The following DUSP11 variants were observed in gnomAD, a reference collection of about 807,000 sequenced individuals.
The protein encoded by DUSP11 is dual specificity phosphatase 11, also known as RNA/RNP complex-1-interacting phosphatase.
A neutral mutation model predicts 41.4 loss-of-function variants in DUSP11; 27 were observed. The observed-to-expected ratio is 0.65, with a 90% confidence interval of 0.48 to 0.90. The LOEUF (loss-of-function observed/expected upper bound fraction) is 0.90. Among genes scored for constraint, DUSP11 ranks in the 40% least tolerant of loss-of-function variants. DUSP11 has a pLI of 0.00. For missense variants in DUSP11, 465 were observed against 461.1 expected, an observed-to-expected ratio of 1.01 and a Z score of -0.08; for synonymous variants, 188 against 159.3, an observed-to-expected ratio of 1.18 and a Z score of -1.35.
chr2:73,775,863 TTAAAAAAAAA>T (rs1672673694), intron 2 of DUSP11, among the ~76,000 whole-genome samples: 1 of 101,502 alleles, frequency 9.9e-6, no homozygotes, highest in African/African-American at 4.5e-5. Flanking sequence ...AAAAAAAAAT[TTAAAAAAAAA>T]AAAAAAAAAA....
intron 1 of DUSP11, 52 bp from the exon 2 acceptor site, chr2:73,778,428 G>A (rs1672725790): frequency 1.6e-6 from 2 of 1,228,222 alleles, no homozygotes; most frequent in Admixed American, 2.8e-5. Flanking sequence ...TTGTTTCCTT[G>A]CACAAAATAA....
intron 4 of DUSP11, 70 bp from the exon 5 acceptor site, chr2:73,769,395 G>A (rs908305300): frequency 9.2e-7 from 1 of 1,091,240 alleles, no homozygotes; most frequent in Non-Finnish European, 1.4e-6. Flanking sequence ...TCACTGCCCT[G>A]AAAATGAATA....
intron 1 of DUSP11, among the ~76,000 whole-genome samples, chr2:73,779,112 T>C (rs972071388): frequency 8.5e-5 from 13 of 152,118 alleles, no homozygotes; most frequent in South Asian, 4.1e-4. Context: ...GATTGGACCA[T>C]TGCACTCCAG....
Position 73,768,634 on chromosome 2 carries a change from G to C in DUSP11, c.635+631C>G, listed in dbSNP as rs565085269. 5.1e-6 allele frequency: 5 copies of C among 985,362 alleles called. No individual in the cohort carries two copies. In the African/African-American group the frequency reaches 8.7e-5, roughly 17 times the overall value. 61.0% of individuals were successfully genotyped at this position (985,362 alleles called of 1,614,324 possible). A position where few individuals can be genotyped will look rare whatever the true frequency, so the allele number is the denominator to read the frequency against. ...ACTTCTGACTTTTGTGTTCATCGGTGTGCAAAGAACAACGCAGGCCTTAAA... is the reference window on the plus strand; with the variant it reads ...ACTTCTGACTTTTGTGTTCATCGGTCTGCAAAGAACAACGCAGGCCTTAAA... On this transcript the variant is annotated intron_variant, in intron 5 of 8. Transcript: ENST00000272444.
intron 5 of DUSP11, chr2:73,767,475 A>G (rs1203701709): frequency 3.2e-6 from 1 of 314,552 alleles, no homozygotes; most frequent in Non-Finnish European, 5.7e-6. Flanking sequence ...AAGAAAATGC[A>G]GAATCATTTT....
intron 1 of DUSP11, 147 bp from the exon 2 acceptor site, chr2:73,778,523 C>A: frequency 7.9e-6 from 4 of 508,012 alleles, no homozygotes; most frequent in Non-Finnish European, 1.4e-5. Context: ...CTTATTAAAC[C>A]CCACCAAGTA....
chr2:73,763,657 A>T (rs1672404281), intron 8 of DUSP11, among the ~76,000 whole-genome samples: 1 of 152,134 alleles, frequency 6.6e-6, no homozygotes, highest in African/African-American at 2.4e-5. Context: ...CGGGAGGTGG[A>T]GGTTGCGGTG....
intron 4 of DUSP11, among the ~76,000 whole-genome samples, chr2:73,772,643 T>A (rs1238222836): frequency 1.3e-5 from 2 of 152,216 alleles, no homozygotes; most frequent in Non-Finnish European, 2.9e-5. Flanking sequence ...TGTACCCTCA[T>A]ATCTTAAAAG....
chr2:73,768,148 C>G (rs1672504444), intron 5 of DUSP11: 1 of 152,240 alleles, frequency 6.6e-6, no homozygotes. Context: ...CCACAACATC[C>G]CTACCTGGTT....
chr2:73,770,514 C>CAA (rs1377404800), intron 4 of DUSP11, among the ~76,000 whole-genome samples: 2 of 94,468 alleles, frequency 2.1e-5, no homozygotes, highest in Non-Finnish European at 4.4e-5. Context: ...GACTCCATCT[C>CAA]AAAAAAAAAA....
intron 3 of DUSP11, 36 bp downstream of exon 3, chr2:73,774,877 G>A: frequency 2.0e-6 from 3 of 1,481,916 alleles, no homozygotes; most frequent in African/African-American, 1.4e-5. Flanking sequence ...AGGATCAGAA[G>A]GAAGAAAGTT....
intron 2 of DUSP11, among the ~76,000 whole-genome samples, chr2:73,776,413 C>A (rs1057497851): frequency 3.4e-3 from 340 of 99,186 alleles, no homozygotes; most frequent in South Asian, 4.9e-3. Context: ...GACACCATCT[C>A]AAAAAAAAAA....
chr2:73,772,821 A>G (rs186341217), intron 4 of DUSP11, among the ~76,000 whole-genome samples: 109 of 152,330 alleles, frequency 7.2e-4, no homozygotes, highest in Admixed American at 3.9e-3. Flanking sequence ...CTTCAAACCC[A>G]CTGATCCAGT....
chr2:73,778,225 T>A, intron 2 of DUSP11, 76 bp downstream of exon 2: 1 of 927,948 alleles, frequency 1.1e-6, no homozygotes. Flanking sequence ...GAAAATGGAA[T>A]GTGATAGAGT....
intron 2 of DUSP11, among the ~76,000 whole-genome samples, chr2:73,775,626 C>T (rs549873344): frequency 5.4e-5 from 8 of 149,302 alleles, no homozygotes; most frequent in Middle Eastern, 3.5e-3. Context: ...GAGGCCAAGG[C>T]GGGAGGATCA....
Position 73,778,312 on chromosome 2 carries a change from G to A in DUSP11, c.307C>T (p.Pro103Ser), listed in dbSNP as rs1319093676. Residue 103 changes from proline to serine, a missense_variant, in exon 2 of 9, where the codon CCT (proline) becomes TCT (serine). Pro to Ser is a moderately conservative substitution (Grantham distance 74, BLOSUM62 -1). Transcript: ENST00000272444. ...TAACTTTTGCTTACCTTTTGCAAAGGAACTTTGAAAGCAATGAAACGAGTC... is the reference window on the plus strand; with the variant it reads ...TAACTTTTGCTTACCTTTTGCAAAGAAACTTTGAAAGCAATGAAACGAGTC... 1.9e-6 allele frequency: 3 copies of A among 1,568,592 alleles called. No homozygotes were observed. In the African/African-American group the frequency reaches 4.2e-5, roughly 22 times the overall value.
At chr2:73,773,982 A>G in intron 3 of DUSP11, 59 bp from the exon 4 acceptor site, 1 of 1,367,092 alleles carries the variant, frequency 7.3e-7, no homozygotes, top group South Asian at 1.5e-5. Flanking sequence ...ATAATTAAAG[A>G]GTAATTAGGG....
At chr2:73,763,342 G>A (rs947667320) in intron 8 of DUSP11, among the ~76,000 whole-genome samples, 3 of 152,204 alleles carry the variant, frequency 2.0e-5, no homozygotes, top group Non-Finnish European at 4.4e-5. Flanking sequence ...AAAACTTTAA[G>A]CATGGTATAT....
intron 2 of DUSP11, 31 bp from the exon 3 acceptor site, chr2:73,775,075 T>A (rs367593851): frequency 6.3e-7 from 1 of 1,595,510 alleles, no homozygotes; most frequent in African/African-American, 1.4e-5. Context: ...AGAGCAAATA[T>A]GTGCTTAAAA....
Sources: allele counts gnomAD v4.1 joint callset (sites outside exome capture counted in the v4.1 genomes callset), GRCh38; gene constraint gnomAD v4.1.1; transcripts MANE v1.5; gene names NCBI Gene and HGNC (gene_info 2026-07-23, HGNC 2026-07-21).